The following PGA5 variants were observed in gnomAD, a reference collection of about 807,000 sequenced individuals.
PGA5 encodes the protein pepsin A-5.
Under a neutral mutation model 15.9 loss-of-function variants are expected in PGA5, and 19 were observed. That is an observed-to-expected ratio of 1.19 (90% confidence interval 0.83 to 1.75). The LOEUF (loss-of-function observed/expected upper bound fraction) is 1.75. Among genes scored for constraint, PGA5 ranks in the 40% most tolerant of loss-of-function variants. The probability of loss-of-function intolerance (pLI) is 0.00; values close to 1 mark genes in which losing one functional copy is unlikely to be tolerated. For synonymous variants in PGA5, 92 were observed against 95.8 expected (o/e 0.96, Z 0.23); for missense variants, 224 against 246.4 (o/e 0.91, Z 0.61).
At position 61,249,663 on chromosome 11, in the gene PGA5, C is replaced by T. The variant is rs753900970; in HGVS notation, c.774-6C>T. On this transcript the variant is annotated splice_region_variant and splice_polypyrimidine_tract_variant and intron_variant, in intron 6 of 8. Transcript: ENST00000312403. ...TCAGGGAGCTTAACTTGCTTCTTAC[C>T]CTCAGCATCACCATGAACGGAGAGA... The T allele has an allele frequency of 3.7e-6, 6 of 1,613,398 alleles. No homozygotes were observed. Among genetic ancestry groups the T allele is most frequent in the South Asian group, 1.1e-5 (1 of 91,066 alleles).
In PGA5 at chr11:61,250,073, C is replaced by T. The variant is rs766801277; in HGVS notation, c.1017+59C>T. The T allele has an allele frequency of 1.5e-4, 236 of 1,577,482 alleles. 3 individuals carry two copies. The highest frequency in any genetic ancestry group is 6.5e-5 in the Non-Finnish European group (75 of 1,161,094). On this transcript the variant is annotated intron_variant, in intron 8 of 8. Coordinates refer to ENST00000312403, the MANE Select transcript of PGA5 (RefSeq NM_014224.5). Reference sequence around the variant, plus strand: ...TCACACAGAATGTGGACACAGAGTCCCCTTCTGCAGAGGGAAAGTACACTT... The same window carrying T: ...TCACACAGAATGTGGACACAGAGTCTCCTTCTGCAGAGGGAAAGTACACTT...
In PGA5 at chr11:61,251,163, G is replaced by A. The variant is rs142326043; in HGVS notation, c.1049G>A (p.Gly350Asp). The A allele has an allele frequency of 4.3e-6, 7 of 1,611,670 alleles. No individual in the cohort carries two copies. In the African/African-American group the frequency reaches 8.0e-5, roughly 19 times the overall value. ...GGGAGCTGCATCAGTGGCTTCCAGG[G>A]CATGAACGTCCCCACCGAATCTGGA... ...SEGSCISGFQ[G>D]MNVPTESGEL... The change falls in exon 9 of 9, where the codon GGC becomes GAC. Residue 350 changes from glycine (G) to aspartate (D), a missense_variant. By Grantham distance (94) the Gly-to-Asp change is moderately conservative (BLOSUM62 -1). Coordinates refer to ENST00000312403, the MANE Select transcript of PGA5 (RefSeq NM_014224.5).
At position 61,251,326 on chromosome 11, in the gene PGA5, C is replaced by T; in HGVS notation, c.*45C>T. On this transcript the variant is annotated 3_prime_UTR_variant, in exon 9 of 9. Transcript: ENST00000312403. ...CCTCCCAGGAAGATCTGGCCTCCGT[C>T]CTATGCCCACTTTAGATGTATCTAA... 1 of 1,611,804 alleles carries T rather than the reference C, an allele frequency of 6.2e-7. No individual in the cohort carries two copies. The highest frequency in any genetic ancestry group is 8.5e-7 in the Non-Finnish European group (1 of 1,179,816).
rs1854061439 is a variant in PGA5 at position 61,246,071 on chromosome 11, G to A, written c.582G>A (p.Gly194=). 6.9e-6 allele frequency: 3 copies of A among 431,832 alleles called. No homozygotes were observed. Among genetic ancestry groups the A allele is most frequent in the Non-Finnish European group, 1.2e-5 (3 of 255,552 alleles). 26.8% of individuals were successfully genotyped at this position (431,832 alleles called of 1,614,324 possible). A position where few individuals can be genotyped will look rare whatever the true frequency, so the allele number is the denominator to read the frequency against. The change falls in exon 5 of 9, where the codon GGG becomes GGA. Residue 194 remains glycine (G), a synonymous_variant. Coordinates refer to ENST00000312403, the MANE Select transcript of PGA5 (RefSeq NM_014224.5). ...GLAYPSISSS[G]ATPVFDNIWN... ...CCTACCCCAGCATTTCCTCCTCCGGGGCCACACCCGTCTTTGACAACATCT... is the reference window on the plus strand; with the variant it reads ...CCTACCCCAGCATTTCCTCCTCCGGAGCCACACCCGTCTTTGACAACATCT...
intron 6 of PGA5, among the ~76,000 whole-genome samples, chr11:61,248,977 C>T (rs1167367662): frequency 2.0e-5 from 3 of 152,122 alleles, no homozygotes; most frequent in African/African-American, 4.8e-5. Context: ...CCCTCCCCTT[C>T]GGGGCCTCCC....
chr11:61,249,656 T>C lies in PGA5; in HGVS notation c.774-13T>C. The C allele has an allele frequency of 5.0e-6, 8 of 1,613,600 alleles. No homozygotes were observed. Among genetic ancestry groups the C allele is most frequent in the South Asian group, 1.1e-5 (1 of 91,054 alleles). On this transcript the variant is annotated splice_polypyrimidine_tract_variant and intron_variant, in intron 6 of 8. Transcript: ENST00000312403. ...TGAGGGCTCAGGGAGCTTAACTTGC[T>C]TCTTACCCTCAGCATCACCATGAAC... is the stretch of plus-strand genomic sequence containing the variant.
At chr11:61,247,802 C>T (rs1854084813) in intron 5 of PGA5, among the ~76,000 whole-genome samples, 1 of 152,030 alleles carries the variant, frequency 6.6e-6, no homozygotes, top group Admixed American at 6.5e-5. Flanking sequence ...TGTATCTCCC[C>T]AGCCAGATCC....
rs139547076 is a variant in PGA5 at position 61,247,220 on chromosome 11, G to A, written c.656+1075G>A. Reference sequence around the variant, plus strand: ...ACTGTGAGATGTTCGCAGCAAAGGTGGGGTGGGTTCAGTGAGTGGGGTCAT... The same window carrying A: ...ACTGTGAGATGTTCGCAGCAAAGGTAGGGTGGGTTCAGTGAGTGGGGTCAT... On this transcript the variant is annotated intron_variant, in intron 5 of 8. Transcript: ENST00000312403. 3.8e-4 allele frequency among the ~76,000 whole-genome samples: 57 copies of A among 151,846 alleles called. 1 individual carries two copies. The highest frequency in any genetic ancestry group is 1.1e-3 in the African/African-American group (46 of 41,244).
At chr11:61,251,018 C>A in intron 8 of PGA5, 114 bp from the exon 9 acceptor site, 1 of 1,594,718 alleles carries the variant, frequency 6.3e-7, no homozygotes, top group Non-Finnish European at 8.6e-7. Context: ...AGCCAGGAAG[C>A]TCCTCCTTGC....
At position 61,249,918 on chromosome 11, in the gene PGA5, G is replaced by A; in HGVS notation, c.921G>A (p.Met307Ile). The A allele has an allele frequency of 6.2e-7, 1 of 1,613,548 alleles. No individual in the cohort carries two copies. Among genetic ancestry groups the A allele is most frequent in the Non-Finnish European group, 8.5e-7 (1 of 1,179,850 alleles). The change falls in exon 8 of 9, where the codon ATG (methionine) becomes ATA (isoleucine). Residue 307 changes from methionine (M) to isoleucine (I), a missense_variant and splice_region_variant. Coordinates refer to ENST00000312403, the MANE Select transcript of PGA5 (RefSeq NM_014224.5). Reference sequence around the variant, plus strand: ...TTTCTCACCCTCACTCTTTCCAGATGGTGGTCAGCTGCTCAGCCATCAGCA... The same window carrying A: ...TTTCTCACCCTCACTCTTTCCAGATAGTGGTCAGCTGCTCAGCCATCAGCA... ...IGASENSDGD[M>I]VVSCSAISSL...
In PGA5 at chr11:61,250,026, C is replaced by G. The variant is rs1475428301; in HGVS notation, c.1017+12C>G. On this transcript the variant is annotated intron_variant, in intron 8 of 8. Coordinates refer to ENST00000312403, the MANE Select transcript of PGA5 (RefSeq NM_014224.5). ...CCTACATCCTGCAGGTGAGGAGGCT[C>G]TGGACCATCCACTAGAGAGGTTCAC... 3 of 1,604,492 alleles carry G rather than the reference C, an allele frequency of 1.9e-6. No homozygotes were observed. Among genetic ancestry groups the G allele is most frequent in the East Asian group, 4.5e-5 (2 of 44,456 alleles).
intron 6 of PGA5, 23 bp from the exon 7 acceptor site, chr11:61,249,646 C>A: frequency 6.2e-7 from 1 of 1,613,640 alleles, no homozygotes; most frequent in South Asian, 1.1e-5. Flanking sequence ...GCTCAGGGAG[C>A]TTAACTTGCT....
At chr11:61,247,248 T>A (rs1055515877) in intron 5 of PGA5, among the ~76,000 whole-genome samples, 2 of 151,768 alleles carry the variant, frequency 1.3e-5, no homozygotes, top group Non-Finnish European at 2.9e-5. Context: ...GGGGTCATGT[T>A]TTAGAAATGG....
In PGA5 at chr11:61,250,744, T is replaced by C. The variant is rs918144558; in HGVS notation, c.1018-388T>C. The C allele has an allele frequency of 1.5e-5, 7 of 474,696 alleles. No individual in the cohort carries two copies. In the Admixed American group the frequency reaches 1.6e-4, roughly 11 times the overall value. 29.4% of individuals were successfully genotyped at this position (474,696 alleles called of 1,614,324 possible). A position where few individuals can be genotyped will look rare whatever the true frequency, so the allele number is the denominator to read the frequency against. ...ACAAGGTCGCAGCCCAGTGACTTAG[T>C]GAGGCAAGAGGGCTAATAGCTCATC... On this transcript the variant is annotated intron_variant, in intron 8 of 8. Transcript: ENST00000312403.
intron 5 of PGA5, chr11:61,248,105 C>A (rs971924201): frequency 4.6e-6 from 3 of 658,828 alleles, no homozygotes; most frequent in African/African-American, 3.6e-5. Flanking sequence ...AGAGTGGGTA[C>A]CACGGTGGAA....
At chr11:61,251,067 A>G (rs1854133788) in intron 8 of PGA5, 65 bp from the exon 9 acceptor site, 1 of 1,611,310 alleles carries the variant, frequency 6.2e-7, no homozygotes, top group South Asian at 1.1e-5. Flanking sequence ...CTGGATGTTT[A>G]TCACCCAGCG....
chr11:61,246,417 T>A lies in PGA5; in HGVS notation c.656+272T>A, dbSNP rs185375079. Among the ~76,000 whole-genome samples the A allele has an allele frequency of 3.9e-5, 6 of 151,912 alleles. No individual in the cohort carries two copies. The East Asian group carries it at 1.2e-3, about 29-fold the overall frequency. On this transcript the variant is annotated intron_variant, in intron 5 of 8. Transcript: ENST00000312403. Reference sequence around the variant, plus strand: ...CAAATGTCATCAGCCATTTGCCCCTTAGTGCCACTTCCCTCACCCTTGGCC... The same window carrying A: ...CAAATGTCATCAGCCATTTGCCCCTAAGTGCCACTTCCCTCACCCTTGGCC...
chr11:61,249,322 C>G, intron 6 of PGA5: 1 of 423,648 alleles, frequency 2.4e-6, no homozygotes, highest in Non-Finnish European at 4.4e-6. Context: ...CCACCTCTCA[C>G]CCTGGGCCCT....
rs1425044858 is a variant in PGA5 at position 61,246,128 on chromosome 11, C to G, written c.639C>G (p.Phe213Leu). Residue 213 changes from phenylalanine to leucine, a missense_variant, in exon 5 of 9, where the codon TTC becomes TTG. By Grantham distance (22) the Phe-to-Leu change is conservative. Coordinates refer to ENST00000312403, the MANE Select transcript of PGA5 (RefSeq NM_014224.5). ...WNQGLVSQDL[F>L]SVYLSADDKS... ...AGGGCCTGGTTTCTCAGGACCTCTT[C>G]TCTGTCTACCTCAGCGCGTAAGTTG... is the stretch of plus-strand genomic sequence containing the variant. 4.8e-6 allele frequency: 2 copies of G among 413,876 alleles called. No individual in the cohort carries two copies. Among genetic ancestry groups the G allele is most frequent in the Non-Finnish European group, 8.4e-6 (2 of 238,434 alleles). 25.6% of individuals were successfully genotyped at this position (413,876 alleles called of 1,614,324 possible).
Sources: allele counts gnomAD v4.1 joint callset (sites outside exome capture counted in the v4.1 genomes callset), GRCh38; gene constraint gnomAD v4.1.1; transcripts MANE v1.5; gene names NCBI Gene and HGNC (gene_info 2026-07-23, HGNC 2026-07-21).